The following KHDRBS2 variants were observed in gnomAD, a reference collection of about 807,000 sequenced individuals.
The protein encoded by KHDRBS2 is KH domain-containing, RNA-binding, signal transduction-associated protein 2.
Under a neutral mutation model 44.3 loss-of-function variants are expected in KHDRBS2, and 26 were observed. That is an observed-to-expected ratio of 0.59 (90% CI 0.43 to 0.81). The LOEUF (loss-of-function observed/expected upper bound fraction) is 0.81. KHDRBS2 is among the 40% of genes least tolerant of loss of function. The pLI, the probability that KHDRBS2 is intolerant of heterozygous loss-of-function variation, is 0.00. For missense variants in KHDRBS2, 476 were observed against 433.1 expected (o/e 1.10, Z -0.88); for synonymous variants, 194 against 151.1 (o/e 1.28, Z -2.08).
At chr6:61,551,372 A>C in the KHDRBS2 span, among the ~76,000 whole-genome samples, 1 of 152,152 alleles carries the variant, frequency 6.6e-6, no homozygotes, top group East Asian at 1.9e-4. Flanking sequence ...TAGTTTAATT[A>C]GGTCCCATTT....
intron 8 of KHDRBS2, among the ~76,000 whole-genome samples, chr6:61,682,365 A>G (rs1766396350): frequency 6.6e-6 from 1 of 151,882 alleles, no homozygotes; most frequent in African/African-American, 2.4e-5. Flanking sequence ...ATAAAAAATT[A>G]TATCTCTTTC....
chr6:61,676,668 A>G (rs1283600843), downstream of KHDRBS2, among the ~76,000 whole-genome samples: 2 of 151,780 alleles, frequency 1.3e-5, no homozygotes, highest in African/African-American at 4.8e-5. Flanking sequence ...TCCTATAGAT[A>G]CTTCTACAGG....
the KHDRBS2 span, among the ~76,000 whole-genome samples, chr6:61,556,872 ATTTTTTTTTTTTTT>A: frequency 2.1e-4 from 18 of 87,488 alleles, no homozygotes; most frequent in South Asian, 4.3e-4. Flanking sequence ...TGAAATTGAG[ATTTTTTTTTTTTTT>A]TTTTTTTTTT....
chr6:62,236,570 C>A (rs1344967976), intron 1 of KHDRBS2, among the ~76,000 whole-genome samples: 1 of 151,948 alleles, frequency 6.6e-6, no homozygotes, highest in Non-Finnish European at 1.5e-5. Flanking sequence ...CAATTTCATA[C>A]AAAAAATACT....
chr6:62,132,014 G>A (rs1296707140), intron 2 of KHDRBS2, among the ~76,000 whole-genome samples: 4 of 152,100 alleles, frequency 2.6e-5, no homozygotes, highest in African/African-American at 4.8e-5. Flanking sequence ...ATATTTTGAT[G>A]AACTACATCT....
chr6:61,887,317 A>T (rs1471135245), intron 6 of KHDRBS2, among the ~76,000 whole-genome samples: 1 of 152,184 alleles, frequency 6.6e-6, no homozygotes, highest in Non-Finnish European at 1.5e-5. Flanking sequence ...AGAGCTGATA[A>T]TGCTTAATAT....
the KHDRBS2 span, among the ~76,000 whole-genome samples, chr6:61,674,562 A>T: frequency 3.6e-4 from 55 of 151,926 alleles, no homozygotes; most frequent in East Asian, 2.0e-4. Flanking sequence ...CTTGTCCAGC[A>T]TATATGCTCA....
chr6:62,085,817 G>GA (rs1448070909), intron 2 of KHDRBS2, among the ~76,000 whole-genome samples: 1 of 152,090 alleles, frequency 6.6e-6, no homozygotes, highest in Non-Finnish European at 1.5e-5. Context: ...GAAAATTCAT[G>GA]AAAAAGGGGC....
At chr6:62,211,538 C>G (rs564564917) in intron 1 of KHDRBS2, among the ~76,000 whole-genome samples, 2 of 152,238 alleles carry the variant, frequency 1.3e-5, no homozygotes, top group East Asian at 3.9e-4. Context: ...TAATGGCTGA[C>G]AGAGATACTA....
At chr6:61,686,911 GA>G (rs1486466516) in intron 8 of KHDRBS2, among the ~76,000 whole-genome samples, 1 of 151,274 alleles carries the variant, frequency 6.6e-6, no homozygotes, top group African/African-American at 2.4e-5. Flanking sequence ...AAAAAAATGA[GA>G]TTTACTGTAG....
intron 4 of KHDRBS2, among the ~76,000 whole-genome samples, chr6:61,930,602 C>A (rs1296927232): frequency 8.1e-6 from 1 of 123,342 alleles, no homozygotes; most frequent in Non-Finnish European, 1.6e-5. Flanking sequence ...GAGGCTGAAG[C>A]AGGAGAATTG....
rs561095540 is a variant in KHDRBS2 at position 62,180,152 on chromosome 6, C to T, written c.92-2840G>A. On this transcript the variant is annotated intron_variant, in intron 1 of 8. Coordinates refer to ENST00000281156, the MANE Select transcript of KHDRBS2 (RefSeq NM_152688.4). ...GAGATCCAGAACAATGTGGGGATGCCCCGTCTTACAACTTCTATTCAACGT... is the reference window on the plus strand; with the variant it reads ...GAGATCCAGAACAATGTGGGGATGCTCCGTCTTACAACTTCTATTCAACGT... 2.6e-5 allele frequency among the ~76,000 whole-genome samples: 4 copies of T among 151,796 alleles called. No individual in the cohort carries two copies. In the East Asian group the frequency reaches 7.8e-4, roughly 29 times the overall value.
At chr6:61,702,783 G>A (rs562026071) in intron 7 of KHDRBS2, among the ~76,000 whole-genome samples, 1 of 151,874 alleles carries the variant, frequency 6.6e-6, no homozygotes, top group African/African-American at 2.4e-5. Flanking sequence ...TCTGCTATTG[G>A]CTCCTGCCTC....
At chr6:61,893,392 T>C (rs1356619150) in intron 6 of KHDRBS2, among the ~76,000 whole-genome samples, 2 of 152,180 alleles carry the variant, frequency 1.3e-5, no homozygotes, top group South Asian at 2.1e-4. Context: ...AGCCATCCCA[T>C]TACTGGGTAT....
intron 1 of KHDRBS2, among the ~76,000 whole-genome samples, chr6:62,228,027 C>G (rs1432345004): frequency 6.6e-6 from 1 of 152,130 alleles, no homozygotes; most frequent in Admixed American, 6.5e-5. Flanking sequence ...CAGAATAATG[C>G]TGGCCTCATG....
At chr6:61,812,107 G>A (rs1414829607) in intron 6 of KHDRBS2, among the ~76,000 whole-genome samples, 1 of 151,592 alleles carries the variant, frequency 6.6e-6, no homozygotes, top group Admixed American at 6.6e-5. Context: ...GTTGATACTA[G>A]TGGGTGCCCT....
chr6:62,104,225 T>C lies in KHDRBS2; in HGVS notation c.220-56231A>G, dbSNP rs1251715301. On this transcript the variant is annotated intron_variant, in intron 2 of 8. Transcript: ENST00000281156. ...GAACACTCTATTCAAAAACAGCATA[T>C]ACACATTCTCTCCAGTGTACCTAGA... Among the ~76,000 whole-genome samples the C allele has an allele frequency of 3.9e-5, 6 of 152,222 alleles. No homozygotes were observed. The East Asian group carries it at 7.7e-4, about 20-fold the overall frequency.
intron 4 of KHDRBS2, among the ~76,000 whole-genome samples, chr6:61,967,420 T>C (rs1486700382): frequency 6.6e-6 from 1 of 150,940 alleles, no homozygotes; most frequent in Admixed American, 6.6e-5. Flanking sequence ...GATAGACAGA[T>C]AGATAGACAG....
chr6:61,909,233 A>AT (rs1426413573), intron 4 of KHDRBS2, among the ~76,000 whole-genome samples: 2 of 151,304 alleles, frequency 1.3e-5, no homozygotes, highest in Admixed American at 6.6e-5. Flanking sequence ...TGCCCAGCTA[A>AT]TTTTTTTGTA....
Sources: gnomAD v4.1 joint callset for allele counts (sites outside exome capture counted in the v4.1 genomes callset) on GRCh38, gnomAD v4.1.1 for gene constraint, MANE v1.5 for transcripts, NCBI Gene and HGNC (gene_info 2026-07-23, HGNC 2026-07-21) for gene names.